Variants in MAP2K5 observed in about 807,000 individuals in gnomAD.
MAP2K5 encodes the protein mitogen-activated protein kinase kinase 5, also known as dual specificity mitogen-activated protein kinase kinase 5.
MAP2K5 carries 49 observed loss-of-function variants against 83.1 expected under a neutral mutation model. The ratio of observed to expected loss-of-function variants is 0.59; its 90% CI spans 0.47 to 0.75. MAP2K5 has a LOEUF of 0.75. Among genes scored for constraint, MAP2K5 ranks in the 30% least tolerant of loss-of-function variants. MAP2K5 has a pLI of 0.00. For synonymous variants in MAP2K5, 202 were observed against 191.8 expected (o/e 1.05, Z -0.44); for missense variants, 457 against 557.5 (o/e 0.82, Z 1.82).
At chr15:67,696,516 A>G (rs767578378) in intron 15 of MAP2K5, among the ~76,000 whole-genome samples, 8 of 152,188 alleles carry the variant, frequency 5.3e-5, no homozygotes, top group Non-Finnish European at 1.2e-4. Flanking sequence ...GAAACTGAGC[A>G]CCTTCAATAA....
rs565597463 is a variant in MAP2K5 at position 67,775,542 on chromosome 15, C to G, written c.1242+2790C>G. Among the ~76,000 whole-genome samples, 68 of 152,336 alleles carry G rather than the reference C, an allele frequency of 4.5e-4. No individual in the cohort carries two copies. The highest frequency in any genetic ancestry group is 8.5e-4 in the Non-Finnish European group (58 of 68,026). On this transcript the variant is annotated intron_variant, in intron 21 of 21. Transcript: ENST00000178640. This position sits in a 1 kb window ranked among gnomAD's most constrained non-coding sequence, Gnocchi z 5.3. The stretch of plus-strand genomic sequence containing the variant: ...TTGTTAGTTGATATACCATTGTGCA[C>G]AGTCTTGTTCTAGACTCAGCAGAAG...
At chr15:67,594,737 C>T (rs1340029586) in intron 7 of MAP2K5, among the ~76,000 whole-genome samples, 1 of 152,082 alleles carries the variant, frequency 6.6e-6, no homozygotes, top group African/African-American at 2.4e-5. Context: ...GTGATAACCT[C>T]ATATTAAATA....
At chr15:67,545,832 C>T (rs2084377915) in intron 1 of MAP2K5, among the ~76,000 whole-genome samples, 1 of 152,202 alleles carries the variant, frequency 6.6e-6, no homozygotes, top group Non-Finnish European at 1.5e-5. Context: ...ATGTAAAGCA[C>T]TCAGAACAAC....
At chr15:67,575,199 G>C (rs1365321584) in intron 3 of MAP2K5, among the ~76,000 whole-genome samples, 5 of 152,142 alleles carry the variant, frequency 3.3e-5, no homozygotes, top group Admixed American at 1.3e-4. Flanking sequence ...TGATTCCTCT[G>C]GTAGTTGAAA....
At position 67,565,777 on chromosome 15, in the gene MAP2K5, TA is replaced by T. The variant is rs1014780476; in HGVS notation, c.252+2434del. Among the ~76,000 whole-genome samples, 17 of 152,126 alleles carry T rather than the reference TA, an allele frequency of 1.1e-4. 1 individual carries two copies. Among genetic ancestry groups the T allele is most frequent in the Admixed American group, 1.1e-3 (17 of 15,282 alleles). On this transcript the variant is annotated intron_variant, in intron 3 of 21. Transcript: ENST00000178640. This position sits in a 1 kb window ranked among gnomAD's most constrained non-coding sequence, Gnocchi z 4.1. ...CATCTATCTCATTGATGAGATAATT[TA>T]AAAAAATTTTTTGTAGAGATAGGGT...
rs147780477 is a variant in MAP2K5 at position 67,565,292 on chromosome 15, C to T, written c.252+1942C>T. ...TCACCGAGGCTGGAGTGCAGTGGTG[C>T]CATCTTGGCTCACTGCAACCTCTGT... On this transcript the variant is annotated intron_variant, in intron 3 of 21. Transcript: ENST00000178640. This position sits in a 1 kb window ranked among gnomAD's most constrained non-coding sequence, Gnocchi z 4.1. Among the ~76,000 whole-genome samples, 1 of 152,074 alleles carries T rather than the reference C, an allele frequency of 6.6e-6. No individual in the cohort carries two copies. Among genetic ancestry groups the T allele is most frequent in the East Asian group, 1.9e-4 (1 of 5,152 alleles).
rs2141235120 is a variant in MAP2K5 at position 67,717,432 on chromosome 15, C to T, written c.1045-10484C>T. ...TGGCAGTAAGGGTACATACTTTGCC[C>T]TCAGTGACTCCTTGACTAATAGGTA... On this transcript the variant is annotated intron_variant, in intron 16 of 21. Transcript: ENST00000178640. This position sits in a 1 kb window ranked among gnomAD's most constrained non-coding sequence, Gnocchi z 4.1. Among the ~76,000 whole-genome samples, 1 of 152,262 alleles carries T rather than the reference C, an allele frequency of 6.6e-6. No homozygotes were observed. Among genetic ancestry groups the T allele is most frequent in the East Asian group, 1.9e-4 (1 of 5,184 alleles).
At chr15:67,575,687 T>C (rs931045132) in intron 3 of MAP2K5, among the ~76,000 whole-genome samples, 3 of 152,178 alleles carry the variant, frequency 2.0e-5, no homozygotes, top group Non-Finnish European at 4.4e-5. Context: ...GAGTAATTTT[T>C]TTGTTTGTTT....
intron 8 of MAP2K5, among the ~76,000 whole-genome samples, chr15:67,616,313 C>T (rs1322987191): frequency 6.6e-6 from 1 of 152,130 alleles, no homozygotes; most frequent in Non-Finnish European, 1.5e-5. Flanking sequence ...ATAATTGAAC[C>T]TGAGTGAGAC....
At chr15:67,592,133 A>AAAAAAAAAAAC (rs1184395146) in intron 6 of MAP2K5, among the ~76,000 whole-genome samples, 1 of 151,462 alleles carries the variant, frequency 6.6e-6, no homozygotes. Context: ...AAAAAAAAAA[A>AAAAAAAAAAAC]AAGGACTTTC....
rs139165334 is a variant in MAP2K5, at chr15:67,619,109, T to C, written c.546-11779T>C. On this transcript the variant is annotated intron_variant, in intron 8 of 21. Coordinates refer to ENST00000178640, the MANE Select transcript of MAP2K5 (RefSeq NM_145160.3). ...TACATGTCAAGCACACATTTCCACC[T>C]TGGGCTTTTGAACTTGCTGTTTCCT... is the stretch of plus-strand genomic sequence containing the variant. 2.0e-5 allele frequency among the ~76,000 whole-genome samples: 3 copies of C among 152,308 alleles called. No homozygotes were observed. In the East Asian group the frequency reaches 5.8e-4, roughly 29 times the overall value.
chr15:67,604,396 G>A (rs1011047101), intron 8 of MAP2K5, among the ~76,000 whole-genome samples: 13 of 152,208 alleles, frequency 8.5e-5, no homozygotes, highest in African/African-American at 3.1e-4. Context: ...AATAAATTCA[G>A]GAAAGACACA....
intron 13 of MAP2K5, among the ~76,000 whole-genome samples, chr15:67,684,518 C>T (rs867206748): frequency 3.9e-5 from 6 of 152,240 alleles, no homozygotes; most frequent in South Asian, 4.2e-4. Context: ...CAGCATTCAA[C>T]GACACAAGAT....
At position 67,668,059 on chromosome 15, in the gene MAP2K5, C is replaced by G. The variant is rs560889951; in HGVS notation, c.847+3414C>G. Among the ~76,000 whole-genome samples, 2 of 152,250 alleles carry G rather than the reference C, an allele frequency of 1.3e-5. No homozygotes were observed. The highest frequency in any genetic ancestry group is 3.9e-4 in the East Asian group (2 of 5,182). On this transcript the variant is annotated intron_variant, in intron 13 of 21. Coordinates refer to ENST00000178640, the MANE Select transcript of MAP2K5 (RefSeq NM_145160.3). The surrounding 1 kb of genome is among the most constrained non-coding windows in gnomAD (Gnocchi z 4.0). ...TTTGGAAATTGAAGCACAGCAGTTGCTATTCATAATGGATCATCAAATGTT... is the reference window on the plus strand; with the variant it reads ...TTTGGAAATTGAAGCACAGCAGTTGGTATTCATAATGGATCATCAAATGTT...
At chr15:67,579,498 GT>G (rs1266071294) in intron 3 of MAP2K5, among the ~76,000 whole-genome samples, 2 of 152,116 alleles carry the variant, frequency 1.3e-5, no homozygotes, top group Non-Finnish European at 2.9e-5. Flanking sequence ...ATGTATATAA[GT>G]TTTTATGTCT....
intron 17 of MAP2K5, among the ~76,000 whole-genome samples, chr15:67,742,949 G>A (rs899314101): frequency 6.6e-6 from 1 of 152,126 alleles, no homozygotes; most frequent in Admixed American, 6.5e-5. Context: ...ATAATGTTTT[G>A]CTGTACCTCA....
At chr15:67,575,464 G>A (rs1454154669) in intron 3 of MAP2K5, among the ~76,000 whole-genome samples, 3 of 152,030 alleles carry the variant, frequency 2.0e-5, no homozygotes, top group East Asian at 3.9e-4. Flanking sequence ...ACACTGCTTC[G>A]CCAGCCTCTG....
intron 16 of MAP2K5, among the ~76,000 whole-genome samples, chr15:67,704,785 C>T (rs760020945): frequency 6.6e-6 from 1 of 152,108 alleles, no homozygotes; most frequent in Non-Finnish European, 1.5e-5. Flanking sequence ...ATTTGTGGGA[C>T]TCAGTATTGC....
chr15:67,700,632 C>T (rs2088391807), intron 15 of MAP2K5, among the ~76,000 whole-genome samples: 1 of 152,112 alleles, frequency 6.6e-6, no homozygotes, highest in African/African-American at 2.4e-5. Flanking sequence ...AATCCTGGCT[C>T]CATAAATTCA....
Sources: gnomAD v4.1 joint callset for allele counts (sites outside exome capture counted in the v4.1 genomes callset) on GRCh38, gnomAD v4.1.1 for gene constraint, Gnocchi (gnomAD v3.1) non-coding constraint, MANE v1.5 for transcripts, NCBI Gene and HGNC (gene_info 2026-07-23, HGNC 2026-07-21) for gene names.